The following TSPAN16 variants were observed in gnomAD, a reference collection of about 807,000 sequenced individuals.
The protein encoded by TSPAN16 is tetraspanin 16, also known as tetraspanin-16.
In TSPAN16, 23 loss-of-function variants were observed where a neutral mutation model predicts 25.2. The observed-to-expected ratio is 0.91, with a 90% CI of 0.66 to 1.29. TSPAN16 has a LOEUF of 1.29. Among genes scored for constraint, TSPAN16 ranks in the 50% most tolerant of loss-of-function variants. The pLI is 0.00. For missense variants in TSPAN16, 272 were observed against 299.9 expected (o/e 0.91, Z 0.69); for synonymous variants, 123 against 124.4 (o/e 0.99, Z 0.08).
chr19:11,318,700 G>A (rs1471649088), downstream of TSPAN16, among the ~76,000 whole-genome samples: 2 of 151,788 alleles, frequency 1.3e-5, no homozygotes, highest in Admixed American at 6.6e-5. Context: ...AAGCTGGAGT[G>A]CAGTGGCACG....
chr19:11,319,181 C>A (rs1384975791), downstream of TSPAN16, among the ~76,000 whole-genome samples: 2 of 152,220 alleles, frequency 1.3e-5, no homozygotes, highest in Non-Finnish European at 2.9e-5. Flanking sequence ...ATATTTCTGT[C>A]CAATGTGGCT....
At chr19:11,315,605 A>G (rs543915244) in intron 6 of TSPAN16, among the ~76,000 whole-genome samples, 186 bp from the exon 7 acceptor site, 15 of 152,078 alleles carry the variant, frequency 9.9e-5, no homozygotes, top group African/African-American at 3.6e-4. Context: ...ATAAAAAATA[A>G]GTGGAGACGA....
At chr19:11,315,688 C>G (rs1266528488) in intron 6 of TSPAN16, 103 bp from the exon 7 acceptor site, 3 of 969,132 alleles carry the variant, frequency 3.1e-6, no homozygotes, top group Non-Finnish European at 4.0e-6. Flanking sequence ...CTGCCCCTCG[C>G]CTTTCTGGAA....
downstream of TSPAN16, chr19:11,316,119 T>TGTGTGTG (rs1491440242): frequency 3.4e-4 from 43 of 128,084 alleles, no homozygotes; most frequent in East Asian, 1.2e-3. Context: ...GTGTGTGTGG[T>TGTGTGTG]TTTTTTTTTT....
At chr19:11,320,762 G>A (rs564160849), downstream of TSPAN16, among the ~76,000 whole-genome samples, 3 of 152,148 alleles carry the variant, frequency 2.0e-5, no homozygotes, top group Non-Finnish European at 4.4e-5. Context: ...GGGGCAGTGA[G>A]AAAGTGAGAT....
At chr19:11,318,267 C>A (rs574848235), downstream of TSPAN16, among the ~76,000 whole-genome samples, 1 of 151,782 alleles carries the variant, frequency 6.6e-6, no homozygotes, top group Non-Finnish European at 1.5e-5. Context: ...CCTCGTGATC[C>A]GCCCCCCTAG....
chr19:11,320,446 G>A (rs757072662), downstream of TSPAN16, among the ~76,000 whole-genome samples: 15 of 152,270 alleles, frequency 9.9e-5, no homozygotes, highest in Non-Finnish European at 7.4e-5. Flanking sequence ...GGGAGGCCAA[G>A]GCGGGAGCAT....
intron 6 of TSPAN16, chr19:11,324,862 C>T (rs1429440422): frequency 6.6e-6 from 1 of 152,520 alleles, no homozygotes; most frequent in Non-Finnish European, 1.5e-5. Context: ...GGATCACCAT[C>T]CCACCTTGGA....
chr19:11,310,544 G>A (rs1398248969), intron 5 of TSPAN16, among the ~76,000 whole-genome samples: 1 of 151,214 alleles, frequency 6.6e-6, no homozygotes, highest in African/African-American at 2.4e-5. Context: ...GTGCAGGAAG[G>A]AGAGAGGAGG....
At chr19:11,325,910 CAATAA>C (rs2147965656) in intron 6 of TSPAN16, among the ~76,000 whole-genome samples, 2 of 151,856 alleles carry the variant, frequency 1.3e-5, no homozygotes, top group African/African-American at 4.8e-5. Context: ...CCTATCTCTA[CAATAA>C]ATTTTTTTAA....
chr19:11,311,785 T>C (rs2080694384), intron 5 of TSPAN16, among the ~76,000 whole-genome samples: 1 of 152,014 alleles, frequency 6.6e-6, no homozygotes, highest in Non-Finnish European at 1.5e-5. Context: ...CATTTATAGA[T>C]GGGAAAATGG....
chr19:11,316,106 TGTGTGTGTGTGG>T, downstream of TSPAN16: 1 of 350,336 alleles, frequency 2.9e-6, no homozygotes, highest in Admixed American at 5.7e-5. Context: ...TGTGTGTGTG[TGTGTGTGTGTGG>T]TTTTTTTTTT....
intron 3 of TSPAN16, chr19:11,300,916 G>T (rs2080538493): frequency 3.3e-6 from 1 of 302,940 alleles, no homozygotes; most frequent in Admixed American, 4.2e-5. Flanking sequence ...GTGCAGCAGG[G>T]TGTAGGCGAT....
At chr19:11,313,381 G>T (rs938494960) in intron 6 of TSPAN16, among the ~76,000 whole-genome samples, 1 of 151,960 alleles carries the variant, frequency 6.6e-6, no homozygotes, top group Non-Finnish European at 1.5e-5. Context: ...GCGTAGTGAT[G>T]CACGCCTGTA....
At position 11,310,286 on chromosome 19, in the gene TSPAN16, G is replaced by A. The variant is rs1047301840; in HGVS notation, c.604-1853G>A. Among the ~76,000 whole-genome samples the A allele has an allele frequency of 2.0e-5, 3 of 152,018 alleles. No homozygotes were observed. In the South Asian group the frequency reaches 6.2e-4, roughly 32 times the overall value. On this transcript the variant is annotated intron_variant, in intron 5 of 6. Transcript: ENST00000590327. ...CACGCCTGTAGTCCCAGCACTTTGGGAGGCTGAGGTGTGTGGATCACCTGA... is the reference window on the plus strand; with the variant it reads ...CACGCCTGTAGTCCCAGCACTTTGGAAGGCTGAGGTGTGTGGATCACCTGA...
chr19:11,323,098 G>A (rs558911103), intron 6 of TSPAN16: 3 of 149,310 alleles, frequency 2.0e-5, no homozygotes, highest in East Asian at 3.9e-4. Flanking sequence ...GGCGACGAGC[G>A]ACTCTCTGTC....
At chr19:11,300,976 C>G (rs12327783) in intron 3 of TSPAN16, 1 of 502,438 alleles carries the variant, frequency 2.0e-6, no homozygotes, top group Non-Finnish European at 3.6e-6. Flanking sequence ...CAGAGAGATA[C>G]GCTTGGCTCC....
At chr19:11,323,827 C>G (rs1320595614) in intron 6 of TSPAN16, 1 of 152,174 alleles carries the variant, frequency 6.6e-6, no homozygotes, top group Non-Finnish European at 1.5e-5. Flanking sequence ...CATAAAACAT[C>G]CACTTAGCCA....
At chr19:11,306,954 C>A (rs568726313) in intron 5 of TSPAN16, 198 bp downstream of exon 5, 1 of 502,230 alleles carries the variant, frequency 2.0e-6, no homozygotes, top group South Asian at 2.4e-5. Context: ...TAGCTGGGAT[C>A]ACAGGCATGC....
Sources: gnomAD v4.1 joint callset for allele counts (sites outside exome capture counted in the v4.1 genomes callset) on GRCh38, gnomAD v4.1.1 for gene constraint, MANE v1.5 for transcripts, NCBI Gene and HGNC (gene_info 2026-07-23, HGNC 2026-07-21) for gene names.